The following ANK3 variants were observed in gnomAD, a reference collection of about 807,000 sequenced individuals.
ANK3 encodes the protein ankyrin 3.
ANK3 carries 57 observed loss-of-function variants against 370.9 expected under a neutral mutation model. The observed-to-expected ratio is 0.15, with a 90% CI of 0.12 to 0.19. The LOEUF (loss-of-function observed/expected upper bound fraction) is 0.19. Ranked by LOEUF, ANK3 falls within the 10% of genes least tolerant of loss-of-function variation. The probability of loss-of-function intolerance (pLI) is 1.00; values close to 1 mark genes in which losing one functional copy is unlikely to be tolerated. For missense variants in ANK3, 4,439 were observed against 5,302.1 expected, an observed-to-expected ratio of 0.84 and a Z score of 5.06; for synonymous variants, 1,929 against 1,946.3, an observed-to-expected ratio of 0.99 and a Z score of 0.23.
chr10:60,651,386 C>T (rs998740736), intron 1 of ANK3, among the ~76,000 whole-genome samples: 1 of 152,142 alleles, frequency 6.6e-6, no homozygotes, highest in Non-Finnish European at 1.5e-5. Flanking sequence ...TCAGCAAGGG[C>T]CTCAGTCAAA....
In ANK3 at chr10:60,277,739, C is replaced by A. The variant is rs948770132; in HGVS notation, c.414+1035G>T. On this transcript the variant is annotated intron_variant, in intron 4 of 43. Transcript: ENST00000280772. ...CCCAGAAGTTCTCCAATATCACTTT[C>A]CTTGACTTCAGGAAACTTAGTGTCT... is the stretch of plus-strand genomic sequence containing the variant. 3.9e-5 allele frequency among the ~76,000 whole-genome samples: 6 copies of A among 152,182 alleles called. No homozygotes were observed. In the East Asian group the frequency reaches 1.2e-3, roughly 29 times the overall value.
chr10:60,139,468 T>C, intron 23 of ANK3: 1 of 176,660 alleles, frequency 5.7e-6, no homozygotes, highest in Non-Finnish European at 1.2e-5. Context: ...GATTACAAAA[T>C]AAGAACCACC....
rs187972145 is a variant in ANK3 at position 60,235,478 on chromosome 10, A to G, written c.799-692T>C. ...AGTTATTCTTCTCTCCAAGCATCTT[A>G]CAGGCGCTATGATTATTTCCAGACT... On this transcript the variant is annotated intron_variant, in intron 7 of 43. Transcript: ENST00000280772. 7.9e-5 allele frequency among the ~76,000 whole-genome samples: 12 copies of G among 151,824 alleles called. No homozygotes were observed. The East Asian group carries it at 1.9e-3, about 24-fold the overall frequency.
At chr10:60,402,820 A>C (rs749023646) in intron 2 of ANK3, among the ~76,000 whole-genome samples, 14 of 152,286 alleles carry the variant, frequency 9.2e-5, no homozygotes, top group Admixed American at 1.3e-4. Context: ...AGGTAACCAA[A>C]GACGCTATTT....
At chr10:60,241,904 A>T (rs183241461) in intron 7 of ANK3, among the ~76,000 whole-genome samples, 3 of 152,330 alleles carry the variant, frequency 2.0e-5, no homozygotes, top group Admixed American at 1.3e-4. Flanking sequence ...CTGGATAAAT[A>T]TTCAGAAATT....
rs925701577 is a variant in ANK3, at chr10:60,186,523, C to A, written c.2085+192G>T. ...GAGCCAGAGCAACTGGCGCATTGACCATTTTTCTTATTGTTTAAACAGATT... is the reference window on the plus strand; with the variant it reads ...GAGCCAGAGCAACTGGCGCATTGACAATTTTTCTTATTGTTTAAACAGATT... On this transcript the variant is annotated intron_variant, in intron 17 of 43. Coordinates refer to ENST00000280772, the MANE Select transcript of ANK3 (RefSeq NM_020987.5). The A allele has an allele frequency of 7.3e-6, 5 of 688,078 alleles. No individual in the cohort carries two copies. The African/African-American group carries it at 8.8e-5, about 12-fold the overall frequency. The allele number at this position is 688,078 out of a possible 1,614,324, so 42.6% of individuals were successfully genotyped here.
intron 4 of ANK3, among the ~76,000 whole-genome samples, chr10:60,276,552 C>T (rs960558248): frequency 1.3e-5 from 2 of 152,148 alleles, no homozygotes; most frequent in African/African-American, 2.4e-5. Flanking sequence ...CTGGTAATTC[C>T]GAGCACAACT....
intron 8 of ANK3, among the ~76,000 whole-genome samples, chr10:60,215,827 T>C (rs962726570): frequency 2.0e-5 from 3 of 152,174 alleles, no homozygotes; most frequent in African/African-American, 7.2e-5. Context: ...CTTGGCTATA[T>C]GGGGTCTTCT....
intron 1 of ANK3, among the ~76,000 whole-genome samples, chr10:60,322,663 C>T (rs2048921444): frequency 1.3e-5 from 2 of 152,038 alleles, no homozygotes; most frequent in Admixed American, 6.6e-5. Flanking sequence ...TAATGTATGT[C>T]AGACTCTCTT....
intron 1 of ANK3, among the ~76,000 whole-genome samples, chr10:60,328,982 T>C (rs568207506): frequency 5.3e-5 from 8 of 152,292 alleles, no homozygotes; most frequent in Middle Eastern, 3.4e-3. Flanking sequence ...GTTCAACATA[T>C]GCAAATCAAT....
chr10:60,227,041 C>G (rs1213192564), intron 8 of ANK3, among the ~76,000 whole-genome samples: 1 of 151,512 alleles, frequency 6.6e-6, no homozygotes, highest in Non-Finnish European at 1.5e-5. Flanking sequence ...GTATCATTTC[C>G]CTTAGATGGA....
intron 1 of ANK3, among the ~76,000 whole-genome samples, chr10:60,631,250 C>T (rs565826182): frequency 7.9e-5 from 12 of 152,148 alleles, no homozygotes; most frequent in East Asian, 1.9e-4. Flanking sequence ...TAATACTGGC[C>T]GGGCATGGTG....
At chr10:60,404,027 T>C (rs1332959510) in intron 2 of ANK3, among the ~76,000 whole-genome samples, 2 of 152,194 alleles carry the variant, frequency 1.3e-5, no homozygotes, top group African/African-American at 4.8e-5. Context: ...TAAAGTACTT[T>C]GGATAAATTT....
At position 60,270,135 on chromosome 10, in the gene ANK3, G is replaced by A. The variant is rs1184142496; in HGVS notation, c.509C>T (p.Thr170Ile). The stretch of plus-strand genomic sequence containing the variant: ...AGGAAAAAAACAGTATCTTACCTCT[G>A]TGGCTAGGCTCTGGCTTGCACCATT... ...LDNGASQSLA[T>I]EDGFTPLAVA... is the part of the protein sequence containing the mutation. Residue 170 changes from threonine (T) to isoleucine (I), a missense_variant, in exon 5 of 44, where the codon ACA becomes ATA. Coordinates refer to ENST00000280772, the MANE Select transcript of ANK3 (RefSeq NM_020987.5). The A allele has an allele frequency of 1.3e-6, 2 of 1,564,262 alleles. No individual in the cohort carries two copies. The highest frequency in any genetic ancestry group is 2.8e-5 in the African/African-American group (2 of 72,598).
intron 2 of ANK3, among the ~76,000 whole-genome samples, chr10:60,557,402 A>G (rs944687035): frequency 2.0e-5 from 3 of 152,126 alleles, no homozygotes; most frequent in African/African-American, 4.8e-5. Context: ...ATATTGTATG[A>G]CTCCATTCAT....
intron 23 of ANK3, among the ~76,000 whole-genome samples, chr10:60,153,551 ATTTTCAAGGGGTATGTTTAGG>A (rs1470427076): frequency 6.6e-6 from 1 of 152,172 alleles, no homozygotes; most frequent in Non-Finnish European, 1.5e-5. Flanking sequence ...AAAAGACACT[ATTTTCAAGGGGTATGTTTAGG>A]TATCTTAAGG....
chr10:60,222,264 T>C (rs2132489377), intron 8 of ANK3, among the ~76,000 whole-genome samples: 2 of 152,290 alleles, frequency 1.3e-5, no homozygotes, highest in South Asian at 4.1e-4. Flanking sequence ...GCCCAGCTGC[T>C]GGGACATTGA....
intron 32 of ANK3, chr10:60,084,160 G>A (rs146740663): frequency 0.014 from 2,130 of 153,998 alleles, 39 homozygotes; most frequent in African/African-American, 0.045. Flanking sequence ...TAATGCCAGC[G>A]CTTTGGGAGG....
chr10:60,069,684 T>C lies in ANK3; in HGVS notation c.11197A>G (p.Met3733Val). Residue 3733 changes from methionine to valine, a missense_variant, in exon 37 of 44, where the codon ATG (methionine) becomes GTG (valine). Coordinates refer to ENST00000280772, the MANE Select transcript of ANK3 (RefSeq NM_020987.5). Reference sequence around the variant, plus strand: ...ATTTCTCCAGGGCCTTCTTTCTTCATGGTCATGGTGGATGCAGAAATTCCC... The same window carrying C: ...ATTTCTCCAGGGCCTTCTTTCTTCACGGTCATGGTGGATGCAGAAATTCCC... ...KMGISASTMT[M>V]KKEGPGEITD... 1.2e-6 allele frequency: 2 copies of C among 1,614,090 alleles called. No individual in the cohort carries two copies. The highest frequency in any genetic ancestry group is 1.7e-6 in the Non-Finnish European group (2 of 1,180,002).
Sources: allele counts gnomAD v4.1 joint callset (sites outside exome capture counted in the v4.1 genomes callset), GRCh38; gene constraint gnomAD v4.1.1; transcripts MANE v1.5; gene names NCBI Gene and HGNC (gene_info 2026-07-23, HGNC 2026-07-21).